Variants in STX17 observed in about 807,000 individuals in gnomAD.
STX17 encodes syntaxin-17.
A neutral mutation model predicts 35.9 loss-of-function variants in STX17; 29 were observed. The observed-to-expected ratio is 0.81, with a 90% CI of 0.60 to 1.10. The LOEUF (loss-of-function observed/expected upper bound fraction) is 1.10, where lower values mean the gene tolerates loss of function less well. STX17 is among the 50% of genes least tolerant of loss of function. The probability of loss-of-function intolerance (pLI) is 0.00; values close to 1 mark genes in which losing one functional copy is unlikely to be tolerated. For missense variants in STX17, 312 were observed against 352.3 expected (o/e 0.89, Z 0.92); for synonymous variants, 92 against 118.3 (o/e 0.78, Z 1.44).
intron 6 of STX17, among the ~76,000 whole-genome samples, chr9:99,964,380 G>C (rs967622817): frequency 6.6e-6 from 1 of 152,022 alleles, no homozygotes; most frequent in African/African-American, 2.4e-5. Flanking sequence ...AATGAAATCC[G>C]TAGACATATT....
chr9:99,916,390 C>CATTT (rs146484577), intron 2 of STX17, among the ~76,000 whole-genome samples: 2,261 of 141,800 alleles, frequency 0.016, 28 homozygotes, highest in South Asian at 0.023. Flanking sequence ...GCAGAACCTC[C>CATTT]ATTTATTTAT....
intron 2 of STX17, chr9:99,916,176 G>A (rs1031094756): frequency 7.0e-6 from 3 of 426,646 alleles, no homozygotes; most frequent in African/African-American, 6.1e-5. Context: ...TAGGTAAGGA[G>A]AAGATGAATT....
Position 99,972,841 on chromosome 9 carries a change from T to TG in STX17, c.*4174dup, listed in dbSNP as rs983902478. ...TTACAAGGAAGGATGAGGAAAAGCC[T>TG]GGGGGGAGGTTCTCCTCGGAAATGA... On this transcript the variant is annotated 3_prime_UTR_variant, in exon 8 of 8. Transcript: ENST00000259400. 3.4e-4 allele frequency among the ~76,000 whole-genome samples: 52 copies of TG among 152,214 alleles called. No homozygotes were observed. The highest frequency in any genetic ancestry group is 1.2e-3 in the African/African-American group (49 of 41,550).
intron 6 of STX17, among the ~76,000 whole-genome samples, chr9:99,964,817 A>G (rs1040933834): frequency 6.6e-6 from 1 of 152,160 alleles, no homozygotes; most frequent in African/African-American, 2.4e-5. Flanking sequence ...CATTCTGCTG[A>G]TGGTAATTGA....
chr9:99,971,138 CTTAAAA>C lies in STX17; in HGVS notation c.*2468_*2473del, dbSNP rs1435158562. Among the ~76,000 whole-genome samples, 1 of 152,172 alleles carries C rather than the reference CTTAAAA, an allele frequency of 6.6e-6. No homozygotes were observed. Among genetic ancestry groups the C allele is most frequent in the African/African-American group, 2.4e-5 (1 of 41,436 alleles). The stretch of plus-strand genomic sequence containing the variant: ...TAGTCAGTGTGACACAGAAACCAAT[CTTAAAA>C]TTGAATTTAATGTTTTATCATATCA... On this transcript the variant is annotated 3_prime_UTR_variant, in exon 8 of 8. Coordinates refer to ENST00000259400, the MANE Select transcript of STX17 (RefSeq NM_017919.3).
Position 99,924,030 on chromosome 9 carries a change from A to ATAGAC in STX17, c.124-4747_124-4743dup, listed in dbSNP as rs1828940092. Among the ~76,000 whole-genome samples, 6 of 152,312 alleles carry ATAGAC rather than the reference A, an allele frequency of 3.9e-5. No homozygotes were observed. In the South Asian group the frequency reaches 1.2e-3, roughly 32 times the overall value. ...TTTATTGGATAGGCATGATGGAAGC[A>ATAGAC]TAGACAACCATGTCAAAATGTGATT... On this transcript the variant is annotated intron_variant, in intron 2 of 7. Coordinates refer to ENST00000259400, the MANE Select transcript of STX17 (RefSeq NM_017919.3).
At chr9:99,915,113 C>T (rs773651941) in intron 1 of STX17, 65 bp from the exon 2 acceptor site, 12 of 1,077,796 alleles carry the variant, frequency 1.1e-5, no homozygotes, top group Non-Finnish European at 1.5e-5. Context: ...TAAAACTAAT[C>T]GTTGGCTTTT....
intron 4 of STX17, among the ~76,000 whole-genome samples, chr9:99,956,795 T>C (rs1030168280): frequency 6.6e-6 from 1 of 152,218 alleles, no homozygotes; most frequent in Non-Finnish European, 1.5e-5. Flanking sequence ...CCTAAACAAT[T>C]GAAACATTTT....
chr9:99,918,873 T>A (rs1033758609), intron 2 of STX17, among the ~76,000 whole-genome samples: 2 of 152,110 alleles, frequency 1.3e-5, no homozygotes, highest in African/African-American at 4.8e-5. Context: ...AGGCGATAGT[T>A]GTGGCAGGGG....
At chr9:99,950,950 G>A in intron 3 of STX17, 110 bp from the exon 4 acceptor site, 2 of 1,017,190 alleles carry the variant, frequency 2.0e-6, no homozygotes, top group Non-Finnish European at 1.4e-6. Flanking sequence ...ACCTTCTATT[G>A]TGGAGATATT....
chr9:99,947,655 G>A (rs1449316629), intron 3 of STX17, among the ~76,000 whole-genome samples: 2 of 152,130 alleles, frequency 1.3e-5, no homozygotes, highest in Non-Finnish European at 1.5e-5. Flanking sequence ...TGAGCTACTC[G>A]AGACTGGAGG....
chr9:99,920,796 A>T (rs1342570239), intron 2 of STX17, among the ~76,000 whole-genome samples: 1 of 145,070 alleles, frequency 6.9e-6, no homozygotes, highest in Non-Finnish European at 1.6e-5. Flanking sequence ...TCCTCCTCAA[A>T]TATTTGGATT....
intron 4 of STX17, among the ~76,000 whole-genome samples, chr9:99,957,986 A>T (rs547388145): frequency 6.6e-6 from 1 of 152,112 alleles, no homozygotes; most frequent in East Asian, 1.9e-4. Context: ...CTAAAATCTG[A>T]TTATGGCACC....
rs1829996023 is a variant in STX17 at position 99,970,227 on chromosome 9, C to T, written c.*1554C>T. On this transcript the variant is annotated 3_prime_UTR_variant, in exon 8 of 8. Coordinates refer to ENST00000259400, the MANE Select transcript of STX17 (RefSeq NM_017919.3). ...TTTTAGTAACTTTTATTGATGGCTACCTTTCATGTCCCTGTCTAAAGAGAC... is the reference window on the plus strand; with the variant it reads ...TTTTAGTAACTTTTATTGATGGCTATCTTTCATGTCCCTGTCTAAAGAGAC... 6.6e-6 allele frequency: 1 copy of T among 152,164 alleles called. No homozygotes were observed. Among genetic ancestry groups the T allele is most frequent in the Non-Finnish European group, 1.5e-5 (1 of 68,036 alleles). The allele number at this position is 152,164 out of a possible 1,614,324, so 9.4% of individuals were successfully genotyped here. A position where few individuals can be genotyped will look rare whatever the true frequency, so the allele number is the denominator to read the frequency against.
intron 2 of STX17, among the ~76,000 whole-genome samples, chr9:99,918,240 C>T (rs1828816743): frequency 1.3e-5 from 2 of 152,172 alleles, no homozygotes; most frequent in Non-Finnish European, 2.9e-5. Flanking sequence ...AGCAATCCTC[C>T]TGTCTCAGCT....
chr9:99,906,850 C>T (rs978619562), intron 1 of STX17, 144 bp downstream of exon 1: 1 of 152,322 alleles, frequency 6.6e-6, no homozygotes, highest in Non-Finnish European at 1.5e-5. Flanking sequence ...GTGGCTCCTC[C>T]TGTTTTTCAG....
At chr9:99,927,723 TG>T (rs1332097613) in intron 2 of STX17, among the ~76,000 whole-genome samples, 5 of 152,140 alleles carry the variant, frequency 3.3e-5, no homozygotes, top group Non-Finnish European at 7.4e-5. Flanking sequence ...GTGATCCACC[TG>T]CCCCAGCCTC....
chr9:99,965,856 A>G (rs1230885349), intron 6 of STX17, among the ~76,000 whole-genome samples: 1 of 152,156 alleles, frequency 6.6e-6, no homozygotes, highest in Non-Finnish European at 1.5e-5. Context: ...CCCCCCTCAC[A>G]CTTTGCAAAC....
rs903657163 is a variant in STX17, at chr9:99,970,692, T to G, written c.*2019T>G. On this transcript the variant is annotated 3_prime_UTR_variant, in exon 8 of 8. Transcript: ENST00000259400. ...TACATCAAGATTCTGCTGTGTCATT[T>G]AATTCTGAAACTCCCAGTATTCTAC... Among the ~76,000 whole-genome samples, 3 of 152,210 alleles carry G rather than the reference T, an allele frequency of 2.0e-5. No homozygotes were observed. Among genetic ancestry groups the G allele is most frequent in the African/African-American group, 4.8e-5 (2 of 41,442 alleles).
Sources: gnomAD v4.1 joint callset for allele counts (sites outside exome capture counted in the v4.1 genomes callset) on GRCh38, gnomAD v4.1.1 for gene constraint, MANE v1.5 for transcripts, NCBI Gene and HGNC (gene_info 2026-07-23, HGNC 2026-07-21) for gene names.